The following SIM2 variants were observed in gnomAD, a reference collection of about 807,000 sequenced individuals.
The protein encoded by SIM2 is SIM bHLH transcription factor 2, also known as single-minded homolog 2.
SIM2 carries 28 observed loss-of-function variants against 64.8 expected under a neutral mutation model. The observed-to-expected ratio is 0.43, with a 90% CI of 0.32 to 0.59. SIM2 has a LOEUF of 0.59. SIM2 is among the 20% of genes least tolerant of loss of function. The probability of loss-of-function intolerance (pLI) is 0.07; values close to 1 mark genes in which losing one functional copy is unlikely to be tolerated. For synonymous variants in SIM2, 408 were observed against 391.1 expected, an observed-to-expected ratio of 1.04 and a Z score of -0.51; for missense variants, 847 against 871.4, an observed-to-expected ratio of 0.97 and a Z score of 0.35.
At position 36,747,760 on chromosome 21, in the gene SIM2, G is replaced by A. The variant is rs1402897853; in HGVS notation, c.1672G>A (p.Ala558Thr). 2.6e-6 allele frequency: 3 copies of A among 1,159,928 alleles called. No individual in the cohort carries two copies. Among genetic ancestry groups the A allele is most frequent in the Non-Finnish European group, 3.2e-6 (3 of 944,328 alleles). 71.9% of individuals were successfully genotyped at this position (1,159,928 alleles called of 1,614,324 possible). ...HYREEPALGPAKAARQAARDG... is the reference protein window; with the variant it reads ...HYREEPALGPTKAARQAARDG... ...CCGCGAGGAGCCCGCGCTGGGCCCG[G>A]CCAAAGCCGCCCGCCAGGCCGCCCG... The change falls in exon 11 of 11, where the codon GCC (alanine) becomes ACC (threonine). Residue 558 changes from alanine to threonine, a missense_variant. Around this residue, in one of 3 missense-constraint regions of SIM2, gnomAD observed 447 missense variants for 414.6 expected, o/e 1.08. Coordinates refer to ENST00000290399, the MANE Select transcript of SIM2 (RefSeq NM_005069.6). This position sits in a 1 kb window ranked among gnomAD's most constrained non-coding sequence, Gnocchi z 4.5.
chr21:36,747,619 C>G lies in SIM2; in HGVS notation c.1577-46C>G. 1 of 1,182,238 alleles carries G rather than the reference C, an allele frequency of 8.5e-7. No individual in the cohort carries two copies. The highest frequency in any genetic ancestry group is 3.6e-5 in the East Asian group (1 of 27,610). 73.2% of individuals were successfully genotyped at this position (1,182,238 alleles called of 1,614,324 possible). A position where few individuals can be genotyped will look rare whatever the true frequency, so the allele number is the denominator to read the frequency against. On this transcript the variant is annotated intron_variant, in intron 10 of 10. Coordinates refer to ENST00000290399, the MANE Select transcript of SIM2 (RefSeq NM_005069.6). This position sits in a 1 kb window ranked among gnomAD's most constrained non-coding sequence, Gnocchi z 4.5. ...CCGGGGCTTGGGGGTGGGGTGGCTG[C>G]GGCCGCGCCCCTTGCTGCCCTCTAA...
intron 6 of SIM2, among the ~76,000 whole-genome samples, chr21:36,727,496 C>T (rs768348257): frequency 9.9e-5 from 15 of 152,216 alleles, no homozygotes; most frequent in Non-Finnish European, 2.1e-4. Flanking sequence ...CAGGCCTCTT[C>T]CATGTTCTTA....
At chr21:36,729,317 T>C (rs999578718) in intron 6 of SIM2, among the ~76,000 whole-genome samples, 1 of 152,114 alleles carries the variant, frequency 6.6e-6, no homozygotes. Context: ...AAGTTCTAGG[T>C]GGCCCTTAGG....
At chr21:36,719,623 A>G (rs1260092351) in intron 3 of SIM2, among the ~76,000 whole-genome samples, 198 bp from the exon 4 acceptor site, 1 of 152,120 alleles carries the variant, frequency 6.6e-6, no homozygotes, top group East Asian at 1.9e-4. Context: ...GCCTTTTTAG[A>G]CAGTGTGGGA....
chr21:36,707,347 G>A (rs2088598831), intron 1 of SIM2, among the ~76,000 whole-genome samples: 1 of 152,220 alleles, frequency 6.6e-6, no homozygotes, highest in Admixed American at 6.5e-5. Context: ...GCTGGTGAGA[G>A]CACAGGGAGT....
rs763590107 is a variant in SIM2, at chr21:36,709,268, G to T, written c.258+18G>T. On this transcript the variant is annotated intron_variant, in intron 2 of 10. Transcript: ENST00000290399. ...TGCTGCAGGTAGAGCGGCCTCGCCG[G>T]GGGAGGAGCGCAGCCGCCGCAGGCT... The T allele has an allele frequency of 6.4e-7, 1 of 1,573,908 alleles. No individual in the cohort carries two copies.
At chr21:36,700,101 G>C (rs1057318232) in intron 1 of SIM2, among the ~76,000 whole-genome samples, 180 bp downstream of exon 1, 8 of 152,330 alleles carry the variant, frequency 5.3e-5, no homozygotes, top group Non-Finnish European at 1.0e-4. Flanking sequence ...AGGGGCCAGG[G>C]CCTTGGCGGC....
At chr21:36,732,761 G>A (rs926059876) in intron 7 of SIM2, among the ~76,000 whole-genome samples, 24 of 152,212 alleles carry the variant, frequency 1.6e-4, no homozygotes, top group African/African-American at 4.8e-4. Flanking sequence ...GAACTTCTCC[G>A]TCGGTGTCAC....
chr21:36,704,029 C>G (rs186189113), intron 1 of SIM2, among the ~76,000 whole-genome samples: 1 of 152,326 alleles, frequency 6.6e-6, no homozygotes, highest in Middle Eastern at 3.4e-3. Flanking sequence ...TTCCCCAACC[C>G]GAAAGACCCA....
intron 4 of SIM2, among the ~76,000 whole-genome samples, chr21:36,722,555 T>C (rs1304796407): frequency 6.6e-6 from 1 of 152,116 alleles, no homozygotes; most frequent in African/African-American, 2.4e-5. Flanking sequence ...GGTCAGAGAT[T>C]TGCGTGGGAG....
Position 36,745,437 on chromosome 21 carries a change from T to A in SIM2, c.1576+301T>A, listed in dbSNP as rs772900536. The A allele has an allele frequency of 7.9e-7, 1 of 1,267,012 alleles. No individual in the cohort carries two copies. The highest frequency in any genetic ancestry group is 1.0e-6 in the Non-Finnish European group (1 of 991,198). The allele number at this position is 1,267,012 out of a possible 1,614,324, so 78.5% of individuals were successfully genotyped here. On this transcript the variant is annotated intron_variant, in intron 10 of 10. Transcript: ENST00000290399. The surrounding 1 kb of genome is among the most constrained non-coding windows in gnomAD (Gnocchi z 4.8). ...ACATTCACCAACCAAAGGGGGACAG[T>A]GATTTTCAAAACCAGCTCCCATGTG...
At chr21:36,733,684 C>T (rs2089004233) in intron 7 of SIM2, among the ~76,000 whole-genome samples, 1 of 151,992 alleles carries the variant, frequency 6.6e-6, no homozygotes, top group Non-Finnish European at 1.5e-5. Flanking sequence ...CTCAGCCTCC[C>T]AAGTAGCTGG....
At chr21:36,704,478 G>C (rs1232583443) in intron 1 of SIM2, among the ~76,000 whole-genome samples, 1 of 152,260 alleles carries the variant, frequency 6.6e-6, no homozygotes, top group Non-Finnish European at 1.5e-5. Context: ...GCGCAGAGGG[G>C]ACAATCCGGG....
chr21:36,712,065 C>T (rs1005793145), intron 2 of SIM2, among the ~76,000 whole-genome samples: 19 of 152,148 alleles, frequency 1.2e-4, no homozygotes, highest in African/African-American at 2.9e-4. Flanking sequence ...ATTATTCCAA[C>T]GGTACTTAGA....
chr21:36,727,715 G>T (rs187513985), intron 6 of SIM2, among the ~76,000 whole-genome samples: 2 of 152,146 alleles, frequency 1.3e-5, no homozygotes, highest in Non-Finnish European at 2.9e-5. Context: ...AGTCTTTGGC[G>T]GGGGGAGGAG....
chr21:36,734,889 T>A lies in SIM2; in HGVS notation c.850+3738T>A, dbSNP rs527638509. 2.6e-5 allele frequency among the ~76,000 whole-genome samples: 4 copies of A among 152,186 alleles called. No individual in the cohort carries two copies. The South Asian group carries it at 8.3e-4, about 32-fold the overall frequency. On this transcript the variant is annotated intron_variant, in intron 7 of 10. Coordinates refer to ENST00000290399, the MANE Select transcript of SIM2 (RefSeq NM_005069.6). ...CAGGCCTCCTGTTCCTGCCTCTCCA[T>A]CCCCAGGGCTGGGTGGCACCTGTTT...
intron 6 of SIM2, among the ~76,000 whole-genome samples, chr21:36,727,859 GA>G: frequency 6.6e-6 from 1 of 151,266 alleles, no homozygotes; most frequent in Non-Finnish European, 1.5e-5. Context: ...GTTCTATAGA[GA>G]AAAAACAGAT....
intron 1 of SIM2, among the ~76,000 whole-genome samples, chr21:36,706,777 A>G (rs2088590297): frequency 6.6e-6 from 1 of 152,112 alleles, no homozygotes; most frequent in African/African-American, 2.4e-5. Context: ...AACATCTAGC[A>G]CCCGACCACC....
At chr21:36,705,794 C>A (rs774770117) in intron 1 of SIM2, among the ~76,000 whole-genome samples, 1 of 152,162 alleles carries the variant, frequency 6.6e-6, no homozygotes, top group Non-Finnish European at 1.5e-5. Flanking sequence ...TGTTGTTAAC[C>A]GCATTTGATA....
Sources: gnomAD v4.1 joint callset for allele counts (sites outside exome capture counted in the v4.1 genomes callset) on GRCh38, gnomAD v4.1.1 for gene constraint, gnomAD v4.1.1 regional missense constraint, Gnocchi (gnomAD v3.1) non-coding constraint, MANE v1.5 for transcripts, NCBI Gene and HGNC (gene_info 2026-07-23, HGNC 2026-07-21) for gene names.